Variants in EML5 observed in about 807,000 individuals in gnomAD.
EML5 encodes the protein EMAP like 5.
In EML5, 120 loss-of-function variants were observed where a neutral mutation model predicts 250.0. That is an observed-to-expected ratio of 0.48 (90% CI 0.41 to 0.56). EML5 has a LOEUF of 0.56. Among genes scored for constraint, EML5 ranks in the 20% least tolerant of loss-of-function variants. The pLI is 0.00. For missense variants in EML5, 2,006 were observed against 2,437.6 expected, an observed-to-expected ratio of 0.82 and a Z score of 3.73; for synonymous variants, 771 against 806.5, an observed-to-expected ratio of 0.96 and a Z score of 0.75.
rs116418406 is a variant in EML5, at chr14:88,726,903, C to T, written c.1050-225G>A. On this transcript the variant is annotated intron_variant, in intron 7 of 43. Transcript: ENST00000554922. Reference sequence around the variant, plus strand: ...ATTTTTTTGGCGACATCACGTCACTCTGTCACTCAGGTTGGAGTGCAGTGG... The same window carrying T: ...ATTTTTTTGGCGACATCACGTCACTTTGTCACTCAGGTTGGAGTGCAGTGG... 5.3e-3 allele frequency among the ~76,000 whole-genome samples: 804 copies of T among 152,264 alleles called. 3 individuals are homozygous for T. Among genetic ancestry groups the T allele is most frequent in the African/African-American group, 0.018 (761 of 41,554 alleles).
intron 1 of EML5, among the ~76,000 whole-genome samples, chr14:88,758,011 C>A (rs1403241742): frequency 6.8e-6 from 1 of 146,810 alleles, no homozygotes; most frequent in Non-Finnish European, 1.5e-5. Flanking sequence ...TGCCACCACA[C>A]CTGTCTAATT....
In EML5 at chr14:88,740,247, CAAAT is replaced by C. The variant is rs1190192447; in HGVS notation, c.711+136_711+139del. On this transcript the variant is annotated intron_variant, in intron 5 of 43. Coordinates refer to ENST00000554922, the MANE Select transcript of EML5 (RefSeq NM_183387.3). ...GATTTCTTCATTGAAATCTTGAAAA[CAAAT>C]AGATAATTCAGTTAGAAAAGCATTT... The C allele has an allele frequency of 1.2e-4, 67 of 572,522 alleles. No individual in the cohort carries two copies. In the East Asian group the frequency reaches 1.8e-3, roughly 16 times the overall value. 35.5% of individuals were successfully genotyped at this position (572,522 alleles called of 1,614,324 possible).
Position 88,747,772 on chromosome 14 carries a change from G to A in EML5, c.358-1489C>T, listed in dbSNP as rs2094028684. Among the ~76,000 whole-genome samples the A allele has an allele frequency of 1.3e-5, 2 of 152,108 alleles. 1 individual carries two copies. Among genetic ancestry groups the A allele is most frequent in the South Asian group, 4.1e-4 (2 of 4,830 alleles). On this transcript the variant is annotated intron_variant, in intron 2 of 43. Transcript: ENST00000554922. ...ATACAAGATTAGCAGGAGATGAAAAGACAAAGTTGAAAACAGAAGTGGACA... is the reference window on the plus strand; with the variant it reads ...ATACAAGATTAGCAGGAGATGAAAAAACAAAGTTGAAAACAGAAGTGGACA...
chr14:88,626,379 T>C (rs2089947569), intron 35 of EML5: 1 of 159,436 alleles, frequency 6.3e-6, no homozygotes, highest in Non-Finnish European at 1.4e-5. Flanking sequence ...CCCAGCACTT[T>C]GGGAGGTCAA....
intron 28 of EML5, among the ~76,000 whole-genome samples, chr14:88,647,729 A>G (rs2091426309): frequency 6.6e-6 from 1 of 150,680 alleles, no homozygotes; most frequent in South Asian, 2.1e-4. Flanking sequence ...CCATTAATTA[A>G]TAACAGGGAA....
chr14:88,694,765 T>C (rs2093038007), intron 16 of EML5, among the ~76,000 whole-genome samples: 2 of 152,208 alleles, frequency 1.3e-5, no homozygotes, highest in African/African-American at 2.4e-5. Context: ...AAATTCCTCT[T>C]AAACTATTGT....
In EML5 at chr14:88,712,610, C is replaced by A. The variant is rs1012812160; in HGVS notation, c.1445-127G>T. 5 of 647,910 alleles carry A rather than the reference C, an allele frequency of 7.7e-6. No homozygotes were observed. In the African/African-American group the frequency reaches 9.1e-5, roughly 12 times the overall value. The allele number at this position is 647,910 out of a possible 1,614,324, so 40.1% of individuals were successfully genotyped here. A position where few individuals can be genotyped will look rare whatever the true frequency, so the allele number is the denominator to read the frequency against. ...TTCCCACCCCACTTAGAGGAAAATA[C>A]ATAAATAGGTAGATAAGTTTGGGTT... On this transcript the variant is annotated intron_variant, in intron 9 of 43. Transcript: ENST00000554922.
chr14:88,787,849 C>CT (rs944596787), intron 1 of EML5, among the ~76,000 whole-genome samples: 5 of 152,156 alleles, frequency 3.3e-5, no homozygotes, highest in Non-Finnish European at 2.9e-5. Context: ...TAAGAAAACT[C>CT]TGGTATCAGG....
intron 20 of EML5, among the ~76,000 whole-genome samples, chr14:88,682,572 T>A (rs915194415): frequency 6.6e-6 from 1 of 152,140 alleles, no homozygotes; most frequent in Admixed American, 6.5e-5. Flanking sequence ...CCTCATCTGG[T>A]TGGAAACTCC....
chr14:88,693,112 T>G (rs1032752994), intron 17 of EML5, among the ~76,000 whole-genome samples: 9 of 152,216 alleles, frequency 5.9e-5, no homozygotes, highest in Non-Finnish European at 1.2e-4. Context: ...ATGAGTAATT[T>G]TTTTTAATTT....
intron 13 of EML5, among the ~76,000 whole-genome samples, chr14:88,703,154 T>C (rs543343897): frequency 2.0e-4 from 30 of 152,118 alleles, no homozygotes; most frequent in South Asian, 1.5e-3. Context: ...AAAAACAAGG[T>C]AGAAAATAGT....
intron 5 of EML5, among the ~76,000 whole-genome samples, chr14:88,739,515 T>C (rs2093893912): frequency 6.6e-6 from 1 of 152,152 alleles, no homozygotes; most frequent in Non-Finnish European, 1.5e-5. Context: ...ATACCACATG[T>C]AAAAATGAAT....
chr14:88,648,359 A>G (rs962808958), intron 28 of EML5, among the ~76,000 whole-genome samples: 3 of 151,998 alleles, frequency 2.0e-5, no homozygotes, highest in African/African-American at 4.8e-5. Context: ...AATAATAATT[A>G]TTATATTTTT....
intron 1 of EML5, among the ~76,000 whole-genome samples, chr14:88,780,848 C>T (rs771324471): frequency 2.6e-5 from 4 of 152,182 alleles, no homozygotes; most frequent in Non-Finnish European, 5.9e-5. Context: ...GCTGGGATTA[C>T]AAGTGTGAGC....
chr14:88,620,800 T>G lies in EML5; in HGVS notation c.5329A>C (p.Ile1777Leu). The G allele has an allele frequency of 6.2e-7, 1 of 1,608,568 alleles. No homozygotes were observed. The highest frequency in any genetic ancestry group is 8.5e-7 in the Non-Finnish European group (1 of 1,178,260). Residue 1777 changes from isoleucine to leucine, a missense_variant, in exon 39 of 44, where the codon ATA (isoleucine) becomes CTA (leucine). Transcript: ENST00000554922. The surrounding 1 kb of genome is among the most constrained non-coding windows in gnomAD (Gnocchi z 4.3). ...CTCCTGTCTCTCTTCTTTCCCCATA[T>G]TTTTAGAGAACTCACTAGTAAAATG... ...FIILLVSSLK[I>L]WGKKRDRRCA...
intron 3 of EML5, among the ~76,000 whole-genome samples, chr14:88,745,729 T>A (rs2093995753): frequency 6.6e-6 from 1 of 152,134 alleles, no homozygotes; most frequent in Non-Finnish European, 1.5e-5. Context: ...AATATGTGCA[T>A]CCCTATGTAT....
chr14:88,622,211 A>C, intron 37 of EML5: 1 of 173,272 alleles, frequency 5.8e-6, no homozygotes, highest in Non-Finnish European at 1.2e-5. Flanking sequence ...ACAGAATTTC[A>C]TTATTTTTTA....
rs148282706 is a variant in EML5, at chr14:88,745,167, T to TTGTTTGTGTG, written c.456+1017_456+1018insCACACAAACA. Among the ~76,000 whole-genome samples the TTGTTTGTGTG allele has an allele frequency of 5.6e-3, 816 of 145,262 alleles. 30 individuals are homozygous for TTGTTTGTGTG. The East Asian group carries it at 0.09, about 16-fold the overall frequency. ...TTTAATAATGGTCTAAATTGTGTGT[T>TTGTTTGTGTG]TGTGTGTGTGTGTGTGTGTGTGTGT... On this transcript the variant is annotated intron_variant, in intron 3 of 43. Transcript: ENST00000554922.
chr14:88,674,546 C>G (rs1035814275), intron 21 of EML5, among the ~76,000 whole-genome samples: 1 of 152,104 alleles, frequency 6.6e-6, no homozygotes, highest in African/African-American at 2.4e-5. Context: ...ATTCAATTAC[C>G]TCCCACCAAG....
Sources: gnomAD v4.1 joint callset for allele counts (sites outside exome capture counted in the v4.1 genomes callset) on GRCh38, gnomAD v4.1.1 for gene constraint, Gnocchi (gnomAD v3.1) non-coding constraint, MANE v1.5 for transcripts, NCBI Gene and HGNC (gene_info 2026-07-23, HGNC 2026-07-21) for gene names.